NXPH1: variants seen among roughly 807,000 people sequenced by gnomAD.
The protein encoded by NXPH1 is neurexophilin 1.
Under a neutral mutation model 23.7 loss-of-function variants are expected in NXPH1, and 5 were observed. That is an observed-to-expected ratio of 0.21 (90% CI 0.11 to 0.44). The LOEUF is 0.44. Ranked by LOEUF, NXPH1 falls within the 20% of genes least tolerant of loss-of-function variation. The pLI, the probability that NXPH1 is intolerant of heterozygous loss-of-function variation, is 0.99. For synonymous variants in NXPH1, 144 were observed against 122.2 expected, an observed-to-expected ratio of 1.18 and a Z score of -1.18; for missense variants, 324 against 321.6, an observed-to-expected ratio of 1.01 and a Z score of -0.06.
chr7:8,656,427 A>G (rs970780706), intron 2 of NXPH1, among the ~76,000 whole-genome samples: 1 of 151,884 alleles, frequency 6.6e-6, no homozygotes, highest in Non-Finnish European at 1.5e-5. Context: ...TGTTATCCCC[A>G]TTACAGAGAA....
At chr7:8,450,505 A>G (rs964953051) in intron 2 of NXPH1, among the ~76,000 whole-genome samples, 3 of 152,252 alleles carry the variant, frequency 2.0e-5, no homozygotes, top group African/African-American at 7.2e-5. Flanking sequence ...TTATAGAATT[A>G]TTCAGTCTAT....
chr7:8,440,145 C>G (rs1816272655), intron 2 of NXPH1, among the ~76,000 whole-genome samples: 1 of 152,194 alleles, frequency 6.6e-6, no homozygotes. Context: ...CCCAGAAGCA[C>G]AGCCTTAGAA....
chr7:8,518,313 G>T (rs1584206616), intron 2 of NXPH1, among the ~76,000 whole-genome samples: 2 of 152,168 alleles, frequency 1.3e-5, no homozygotes, highest in African/African-American at 4.8e-5. Flanking sequence ...TGGAAGGAGT[G>T]TAGTCCCAAA....
chr7:8,482,222 C>T (rs974506044), intron 2 of NXPH1, among the ~76,000 whole-genome samples: 16 of 152,178 alleles, frequency 1.1e-4, no homozygotes, highest in African/African-American at 3.1e-4. Flanking sequence ...GCTTTGCTGG[C>T]TTTCCCAAAT....
chr7:8,562,797 G>A (rs1358562441), intron 2 of NXPH1, among the ~76,000 whole-genome samples: 7 of 151,428 alleles, frequency 4.6e-5, no homozygotes, highest in Non-Finnish European at 1.0e-4. Flanking sequence ...AATGTGTATT[G>A]GTATGTGCAT....
chr7:8,747,158 G>A (rs1780485068), intron 2 of NXPH1, among the ~76,000 whole-genome samples: 1 of 152,096 alleles, frequency 6.6e-6, no homozygotes, highest in African/African-American at 2.4e-5. Flanking sequence ...AAACAGTGAA[G>A]CTTAAACAAG....
chr7:8,750,851 GC>G (rs1405079053), intron 2 of NXPH1, among the ~76,000 whole-genome samples, 156 bp from the exon 3 acceptor site: 1 of 152,058 alleles, frequency 6.6e-6, no homozygotes, highest in African/African-American at 2.4e-5. Context: ...GGGAGAGGGG[GC>G]TTAGATCTCT....
chr7:8,436,999 C>A (rs545283080), intron 2 of NXPH1, among the ~76,000 whole-genome samples: 83 of 152,296 alleles, frequency 5.4e-4, no homozygotes, highest in African/African-American at 1.9e-3. Context: ...GTGTATTTAA[C>A]CGATTTCAGC....
chr7:8,518,190 A>C (rs1360654821), intron 2 of NXPH1, among the ~76,000 whole-genome samples: 1 of 152,174 alleles, frequency 6.6e-6, no homozygotes, highest in East Asian at 1.9e-4. Flanking sequence ...ATGAAATTCA[A>C]GGAAAAACCC....
chr7:8,566,257 C>T (rs1818543786), intron 2 of NXPH1, among the ~76,000 whole-genome samples: 1 of 151,830 alleles, frequency 6.6e-6, no homozygotes, highest in African/African-American at 2.4e-5. Flanking sequence ...TACATAATGA[C>T]ACTGTGGTGC....
At chr7:8,496,298 C>T (rs940488335) in intron 2 of NXPH1, among the ~76,000 whole-genome samples, 1 of 151,984 alleles carries the variant, frequency 6.6e-6, no homozygotes, top group Non-Finnish European at 1.5e-5. Context: ...GTAGACAAAT[C>T]CAGAAGCCAG....
chr7:8,539,517 A>G lies in NXPH1; in HGVS notation c.54+103750A>G, dbSNP rs1029624763. On this transcript the variant is annotated intron_variant, in intron 2 of 2. Transcript: ENST00000405863. Reference sequence around the variant, plus strand: ...TATATGAGTTATCAGTAAAATTTACATGAAATTTTTCCTTTTAAAATGCTT... The same window carrying G: ...TATATGAGTTATCAGTAAAATTTACGTGAAATTTTTCCTTTTAAAATGCTT... 3.3e-5 allele frequency among the ~76,000 whole-genome samples: 5 copies of G among 151,886 alleles called. No homozygotes were observed. The South Asian group carries it at 8.3e-4, about 25-fold the overall frequency.
intron 2 of NXPH1, among the ~76,000 whole-genome samples, chr7:8,487,818 C>T (rs1817183666): frequency 6.6e-6 from 1 of 152,116 alleles, no homozygotes; most frequent in Non-Finnish European, 1.5e-5. Context: ...GGGAAGGGCT[C>T]ACAGTTTAAT....
chr7:8,536,691 C>A (rs1818032562), intron 2 of NXPH1, among the ~76,000 whole-genome samples: 1 of 149,986 alleles, frequency 6.7e-6, no homozygotes, highest in Non-Finnish European at 1.5e-5. Context: ...GTAAGGGGCC[C>A]AGAGAAGAAG....
At chr7:8,470,095 G>C (rs1046648698) in intron 2 of NXPH1, among the ~76,000 whole-genome samples, 2 of 152,136 alleles carry the variant, frequency 1.3e-5, no homozygotes, top group African/African-American at 2.4e-5. Flanking sequence ...ATCCAGCTCA[G>C]GTATGGTCAA....
chr7:8,479,422 A>G (rs1817035741), intron 2 of NXPH1, among the ~76,000 whole-genome samples: 1 of 152,120 alleles, frequency 6.6e-6, no homozygotes, highest in Non-Finnish European at 1.5e-5. Flanking sequence ...GGAGATACAG[A>G]TGTAATTCGG....
intron 2 of NXPH1, among the ~76,000 whole-genome samples, chr7:8,545,910 T>G (rs1303174760): frequency 6.6e-6 from 1 of 151,456 alleles, no homozygotes; most frequent in African/African-American, 2.4e-5. Context: ...TGGGCTTAAT[T>G]ATGTTGATAA....
rs75072262 is a variant in NXPH1, at chr7:8,619,465, A to G, written c.55-131543A>G. Among the ~76,000 whole-genome samples, 935 of 152,264 alleles carry G rather than the reference A, an allele frequency of 6.1e-3. 11 individuals are homozygous for G. The highest frequency in any genetic ancestry group is 0.021 in the African/African-American group (876 of 41,552). On this transcript the variant is annotated intron_variant, in intron 2 of 2. Coordinates refer to ENST00000405863, the MANE Select transcript of NXPH1 (RefSeq NM_152745.3). ...TGTTTGCTTAAGCAAATGATGTTCA[A>G]TGCTCTTTCAGATATCCTTTAAAGT...
In NXPH1 at chr7:8,690,857, AC is replaced by A. The variant is rs778558067; in HGVS notation, c.55-60150del. 5.3e-5 allele frequency among the ~76,000 whole-genome samples: 8 copies of A among 152,140 alleles called. No homozygotes were observed. The East Asian group carries it at 1.5e-3, about 29-fold the overall frequency. ...GCTGCTTCCCTTTCCTGGCCCACTG[AC>A]TTTTTGAAAGTGCTTGCTTTGCCCA... On this transcript the variant is annotated intron_variant, in intron 2 of 2. Transcript: ENST00000405863.
Sources: gnomAD v4.1 joint callset for allele counts (sites outside exome capture counted in the v4.1 genomes callset) on GRCh38, gnomAD v4.1.1 for gene constraint, MANE v1.5 for transcripts, NCBI Gene and HGNC (gene_info 2026-07-23, HGNC 2026-07-21) for gene names.